The following NFATC2 variants were observed in gnomAD, a reference collection of about 807,000 sequenced individuals.
The protein encoded by NFATC2 is nuclear factor of activated T cells 2, also known as nuclear factor of activated T-cells, cytoplasmic 2.
A neutral mutation model predicts 87.3 loss-of-function variants in NFATC2; 22 were observed. That is an observed-to-expected ratio of 0.25 (90% CI 0.18 to 0.36). The LOEUF is 0.36. Among genes scored for constraint, NFATC2 ranks in the 10% least tolerant of loss-of-function variants. NFATC2 has a pLI of 1.00. For synonymous variants in NFATC2, 565 were observed against 542.2 expected (o/e 1.04, Z -0.58); for missense variants, 1,149 against 1,259.1 (o/e 0.91, Z 1.32).
upstream of NFATC2, chr20:51,562,705 G>A: frequency 2.8e-6 from 4 of 1,413,180 alleles, no homozygotes; most frequent in African/African-American, 1.4e-5. This position sits in a 1 kb window ranked among gnomAD's most constrained non-coding sequence, Gnocchi z 5.8. Context: ...AGGGGACGCC[G>A]TCTTCTCTAC....
intron 5 of NFATC2, 67 bp downstream of exon 5, chr20:51,473,913 G>GC (rs1988468648): frequency 1.3e-6 from 2 of 1,551,018 alleles, no homozygotes; most frequent in Admixed American, 3.6e-5. Context: ...AGAATACACT[G>GC]CTCCCGGGGG....
chr20:51,405,491 T>A (rs1466404402), intron 9 of NFATC2, among the ~76,000 whole-genome samples: 2 of 152,218 alleles, frequency 1.3e-5, no homozygotes, highest in African/African-American at 4.8e-5. Context: ...TCGTAGAAGC[T>A]TGGCATCAGA....
intron 2 of NFATC2, among the ~76,000 whole-genome samples, chr20:51,517,912 C>CAA (rs71192528): frequency 0.072 from 9,957 of 138,820 alleles, 438 homozygotes; most frequent in Middle Eastern, 0.14. Flanking sequence ...GAGACTGTCT[C>CAA]AAAAAAAAAA....
intron 1 of NFATC2, among the ~76,000 whole-genome samples, chr20:51,531,406 G>T (rs2076631518): frequency 6.6e-6 from 1 of 152,188 alleles, no homozygotes; most frequent in African/African-American, 2.4e-5. Context: ...CTTTCATCAA[G>T]TTCCTGGGTG....
rs151092809 is a variant in NFATC2, at chr20:51,435,269, G to A, written c.1951C>T (p.Arg651Cys). 39 of 1,614,032 alleles carry A rather than the reference G, an allele frequency of 2.4e-5. No homozygotes were observed. Among genetic ancestry groups the A allele is most frequent in the Admixed American group, 1.3e-4 (8 of 60,000 alleles). ...TAGAAGTTCACTTTTACAGGTGTGC[G>A]GATATGCTTGTTCCGATATTCAGGG... ...EIPEYRNKHI[R>C]TPVKVNFYVI... The change falls in exon 8 of 11, where the codon CGC becomes TGC. Residue 651 changes from arginine to cysteine, a missense_variant. Arg to Cys is a radical substitution (Grantham distance 180, BLOSUM62 -3). Transcript: ENST00000371564.
chr20:51,475,278 T>C (rs377392305), intron 4 of NFATC2, among the ~76,000 whole-genome samples, 180 bp downstream of exon 4: 36 of 152,298 alleles, frequency 2.4e-4, no homozygotes, highest in African/African-American at 7.7e-4. Context: ...CTACATATTA[T>C]GCTTTTAAAA....
At chr20:51,491,871 TACACATACACACACACACACACACAC>T (rs1354668351) in intron 3 of NFATC2, among the ~76,000 whole-genome samples, 4 of 86,246 alleles carry the variant, frequency 4.6e-5, no homozygotes, top group East Asian at 8.4e-4. Context: ...AACACACACA[TACACATACACACACACACACACACAC>T]ACACACACAC....
chr20:51,550,410 G>A (rs2076923183), intron 1 of NFATC2, among the ~76,000 whole-genome samples: 1 of 152,000 alleles, frequency 6.6e-6, no homozygotes, highest in Admixed American at 6.6e-5. Flanking sequence ...GGCCAATGTG[G>A]TGAAACCCCG....
At chr20:51,430,047 G>A (rs1055647383) in intron 9 of NFATC2, among the ~76,000 whole-genome samples, 1 of 152,114 alleles carries the variant, frequency 6.6e-6, no homozygotes, top group African/African-American at 2.4e-5. Context: ...CTGTGGATCC[G>A]GGGCTGCCAT....
intron 6 of NFATC2, among the ~76,000 whole-genome samples, chr20:51,445,196 G>GC (rs931581384): frequency 3.4e-4 from 51 of 152,058 alleles, no homozygotes; most frequent in African/African-American, 1.1e-3. Context: ...AGCTGGGCCT[G>GC]CCCCCCGCAG....
intron 2 of NFATC2, among the ~76,000 whole-genome samples, chr20:51,518,988 G>T (rs1404425903): frequency 1.3e-5 from 2 of 151,798 alleles, no homozygotes; most frequent in Non-Finnish European, 2.9e-5. Flanking sequence ...TTTGTGGCGG[G>T]GCCAGCTGGG....
intron 5 of NFATC2, among the ~76,000 whole-genome samples, chr20:51,457,350 G>A (rs566669151): frequency 2.0e-5 from 3 of 152,342 alleles, no homozygotes; most frequent in African/African-American, 7.2e-5. Flanking sequence ...GGGCAAGCCA[G>A]CCCAAGGCTT....
At position 51,501,800 on chromosome 20, in the gene NFATC2, A is replaced by G. The variant is rs987202631; in HGVS notation, c.1332+14984T>C. On this transcript the variant is annotated intron_variant, in intron 3 of 10. Coordinates refer to ENST00000371564, the MANE Select transcript of NFATC2 (RefSeq NM_012340.5). ...TTTTATCTATTCTGTTCATTACTCT[A>G]TCTCCATCTCCAGTCAGCAAACTTT... 3.3e-5 allele frequency among the ~76,000 whole-genome samples: 5 copies of G among 152,148 alleles called. 1 individual carries two copies. The highest frequency in any genetic ancestry group is 1.2e-4 in the African/African-American group (5 of 41,426).
rs1982996354 is a variant in NFATC2, at chr20:51,432,960, A to G, written c.2033-204T>C. Reference sequence around the variant, plus strand: ...AGGAAATTTTACCCTGGCCATGAACATCTTGAATTATAGATTTTTCCAATA... The same window carrying G: ...AGGAAATTTTACCCTGGCCATGAACGTCTTGAATTATAGATTTTTCCAATA... On this transcript the variant is annotated intron_variant, in intron 8 of 10. Coordinates refer to ENST00000371564, the MANE Select transcript of NFATC2 (RefSeq NM_012340.5). The surrounding 1 kb of genome is among the most constrained non-coding windows in gnomAD (Gnocchi z 4.6). 6.6e-6 allele frequency among the ~76,000 whole-genome samples: 1 copy of G among 152,046 alleles called. No individual in the cohort carries two copies. The highest frequency in any genetic ancestry group is 2.1e-4 in the South Asian group (1 of 4,806).
intron 9 of NFATC2, among the ~76,000 whole-genome samples, chr20:51,408,494 A>G (rs1249810428): frequency 2.2e-5 from 3 of 137,334 alleles, no homozygotes; most frequent in Non-Finnish European, 4.6e-5. Flanking sequence ...AGCCTGGGGG[A>G]CTGAGCAAGA....
intron 3 of NFATC2, among the ~76,000 whole-genome samples, chr20:51,502,308 A>C (rs1028895651): frequency 1.3e-5 from 2 of 152,108 alleles, no homozygotes; most frequent in African/African-American, 2.4e-5. Context: ...ACTATCTACT[A>C]ATCAGGTTTT....
At chr20:51,473,141 C>T (rs1365097910) in intron 5 of NFATC2, among the ~76,000 whole-genome samples, 1 of 152,152 alleles carries the variant, frequency 6.6e-6, no homozygotes, top group East Asian at 1.9e-4. Flanking sequence ...TTCCAAATGG[C>T]AGATCCTGGT....
At position 51,480,187 on chromosome 20, in the gene NFATC2, C is replaced by G. The variant is rs1333406747; in HGVS notation, c.1333-4527G>C. On this transcript the variant is annotated intron_variant, in intron 3 of 10. Transcript: ENST00000371564. This position sits in a 1 kb window ranked among gnomAD's most constrained non-coding sequence, Gnocchi z 4.2. Reference sequence around the variant, plus strand: ...CCTGTAATCCCAGCTACTCAGGAGACCAAGGCAGGAGAATCACTTGAACCC... The same window carrying G: ...CCTGTAATCCCAGCTACTCAGGAGAGCAAGGCAGGAGAATCACTTGAACCC... Among the ~76,000 whole-genome samples, 1 of 152,028 alleles carries G rather than the reference C, an allele frequency of 6.6e-6. No individual in the cohort carries two copies. The highest frequency in any genetic ancestry group is 2.4e-5 in the African/African-American group (1 of 41,386).
intron 5 of NFATC2, among the ~76,000 whole-genome samples, chr20:51,459,913 A>C (rs562048168): frequency 1.5e-4 from 23 of 152,254 alleles, no homozygotes; most frequent in South Asian, 2.1e-4. Context: ...CAAAACAAAA[A>C]AAAGTTCTGC....
Sources: allele counts gnomAD v4.1 joint callset (sites outside exome capture counted in the v4.1 genomes callset), GRCh38; gene constraint gnomAD v4.1.1; non-coding constraint Gnocchi (gnomAD v3.1); transcripts MANE v1.5; gene names NCBI Gene and HGNC (gene_info 2026-07-23, HGNC 2026-07-21).